TSPEAR: variants seen among roughly 807,000 people sequenced by gnomAD.
TSPEAR encodes the protein thrombospondin-type laminin G domain and EAR repeat-containing protein.
Under a neutral mutation model 71.6 loss-of-function variants are expected in TSPEAR, and 69 were observed. The observed-to-expected ratio is 0.96, with a 90% CI of 0.79 to 1.18. The LOEUF (loss-of-function observed/expected upper bound fraction) is 1.18, where lower values mean the gene tolerates loss of function less well. TSPEAR is among the 50% of genes most tolerant of loss of function. TSPEAR has a pLI of 0.00. For missense variants in TSPEAR, 971 were observed against 894.9 expected (o/e 1.09, Z -1.09); for synonymous variants, 402 against 387.2 (o/e 1.04, Z -0.45).
chr21:44,523,182 C>T (rs1295961995), intron 8 of TSPEAR, among the ~76,000 whole-genome samples: 1 of 148,582 alleles, frequency 6.7e-6, no homozygotes, highest in Non-Finnish European at 1.5e-5. Flanking sequence ...AGCCAGCCAG[C>T]CAGCCAATTA....
At chr21:44,704,633 T>C (rs1196164303) in intron 1 of TSPEAR, among the ~76,000 whole-genome samples, 1 of 152,082 alleles carries the variant, frequency 6.6e-6, no homozygotes, top group Non-Finnish European at 1.5e-5. Flanking sequence ...AGGCTTGGAT[T>C]AACAAGAGGA....
At chr21:44,566,086 G>A (rs922868511) in intron 2 of TSPEAR, among the ~76,000 whole-genome samples, 4 of 152,122 alleles carry the variant, frequency 2.6e-5, no homozygotes, top group African/African-American at 9.7e-5. Flanking sequence ...AGGCTGAGGC[G>A]GGAGAATCGC....
chr21:44,602,237 G>C (rs1017755657), intron 1 of TSPEAR: 3 of 184,562 alleles, frequency 1.6e-5, no homozygotes, highest in Admixed American at 1.6e-4. Flanking sequence ...CCCACCCGCG[G>C]GTGGTCCTGG....
intron 1 of TSPEAR, among the ~76,000 whole-genome samples, chr21:44,669,491 CT>C (rs1401866437): frequency 6.6e-6 from 1 of 152,196 alleles, no homozygotes; most frequent in African/African-American, 2.4e-5. Flanking sequence ...AACACAGAGC[CT>C]CCTCCACCCC....
rs1555915496 is a variant in TSPEAR at position 44,529,848 on chromosome 21, T to C, written c.740A>G (p.Gln247Arg). 6.2e-7 allele frequency: 1 copy of C among 1,613,884 alleles called. No homozygotes were observed. Among genetic ancestry groups the C allele is most frequent in the Non-Finnish European group, 8.5e-7 (1 of 1,179,972 alleles). ...ATCTTCTGGCTTCCCCGTGAGAGCCTGCAGGACCCGTGGGATGGACAGCAC... is the reference window on the plus strand; with the variant it reads ...ATCTTCTGGCTTCCCCGTGAGAGCCCGCAGGACCCGTGGGATGGACAGCAC... ...LAVLSIPRVL[Q>R]ALTGKPEDNE... Residue 247 changes from glutamine (Q) to arginine (R), a missense_variant, in exon 5 of 12, where the codon CAG becomes CGG. Physicochemically the swap from Gln to Arg is conservative, Grantham distance 43. Coordinates refer to ENST00000323084, the MANE Select transcript of TSPEAR (RefSeq NM_144991.3).
chr21:44,600,804 CTA>C (rs1265796570), intron 1 of TSPEAR: 2 of 1,598,892 alleles, frequency 1.3e-6, no homozygotes, highest in African/African-American at 1.4e-5. Flanking sequence ...CCCCAGTGAG[CTA>C]TGTGTCCAGC....
chr21:44,699,442 C>T (rs1987545300), intron 1 of TSPEAR, among the ~76,000 whole-genome samples: 1 of 151,912 alleles, frequency 6.6e-6, no homozygotes, highest in South Asian at 2.1e-4. Context: ...CCCCTCCCTC[C>T]TGACTGCAGC....
intron 2 of TSPEAR, among the ~76,000 whole-genome samples, chr21:44,535,481 G>C (rs587614661): frequency 6.6e-6 from 1 of 152,246 alleles, no homozygotes; most frequent in Non-Finnish European, 1.5e-5. Context: ...GCCAGAGCCT[G>C]TTTCAGTTGA....
intron 1 of TSPEAR, among the ~76,000 whole-genome samples, chr21:44,632,933 C>T (rs782016221): frequency 6.6e-6 from 1 of 152,156 alleles, no homozygotes; most frequent in Non-Finnish European, 1.5e-5. Flanking sequence ...TCCATTACAT[C>T]TAGGTTATCT....
chr21:44,680,970 A>G (rs1457871338), intron 1 of TSPEAR, among the ~76,000 whole-genome samples: 2 of 152,208 alleles, frequency 1.3e-5, no homozygotes, highest in South Asian at 2.1e-4. Flanking sequence ...TACAGTTAAC[A>G]ATGTATTGTA....
chr21:44,677,623 AT>A, intron 1 of TSPEAR: 1 of 1,146,182 alleles, frequency 8.7e-7, no homozygotes, highest in Non-Finnish European at 1.3e-6. Flanking sequence ...GTTTTTAAAG[AT>A]TCCTCATGCT....
At chr21:44,658,449 A>G (rs1985301199) in intron 1 of TSPEAR, 1 of 628,806 alleles carries the variant, frequency 1.6e-6, no homozygotes, top group Non-Finnish European at 2.7e-6. Flanking sequence ...AACCCCCTCA[A>G]GGAAGTCTTG....
rs144347950 is a variant in TSPEAR at position 44,569,300 on chromosome 21, G to A, written c.83-1295C>T. Reference sequence around the variant, plus strand: ...TGGGCACTTCTTTCTTAGAAAAACCGGATGTGATGCAGCCGTGCACGTCCG... The same window carrying A: ...TGGGCACTTCTTTCTTAGAAAAACCAGATGTGATGCAGCCGTGCACGTCCG... On this transcript the variant is annotated intron_variant, in intron 1 of 11. Transcript: ENST00000323084. Among the ~76,000 whole-genome samples the A allele has an allele frequency of 4.5e-3, 691 of 152,266 alleles. 5 individuals carry two copies. The highest frequency in any genetic ancestry group is 0.015 in the African/African-American group (641 of 41,536).
Position 44,656,605 on chromosome 21 carries a change from T to C in TSPEAR, c.82+54828A>G, listed in dbSNP as rs587682629. On this transcript the variant is annotated intron_variant, in intron 1 of 11. Coordinates refer to ENST00000323084, the MANE Select transcript of TSPEAR (RefSeq NM_144991.3). ...CTTTTTTTTCCACTGTCTTCAATAA[T>C]TTTTTGATTTTCATTACTCTTACTA... Among the ~76,000 whole-genome samples the C allele has an allele frequency of 2.7e-4, 41 of 152,322 alleles. No homozygotes were observed. The Middle Eastern group carries it at 0.014, about 51-fold the overall frequency.
chr21:44,603,749 C>T (rs1981133909), intron 1 of TSPEAR, among the ~76,000 whole-genome samples: 4 of 152,244 alleles, frequency 2.6e-5, no homozygotes. Context: ...TGAAACTGCC[C>T]TTTGTCACCT....
intron 9 of TSPEAR, among the ~76,000 whole-genome samples, chr21:44,513,530 A>G (rs1051430710): frequency 6.6e-6 from 1 of 152,202 alleles, no homozygotes; most frequent in Non-Finnish European, 1.5e-5. Context: ...CTCCAATGGA[A>G]TTCCCCAGAG....
rs1372930980 is a variant in TSPEAR, at chr21:44,599,172, C to CTCTCTCTCTCTCTCTCTCT, written c.83-31168_83-31167insAGAGAGAGAGAGAGAGAGA. On this transcript the variant is annotated intron_variant, in intron 1 of 11. Transcript: ENST00000323084. ...TCTCTCTCTCTCTCTCTCTCTCTCT[C>CTCTCTCTCTCTCTCTCTCT]CTTCCATCCCATAGGACCAGATCCT... Among the ~76,000 whole-genome samples, 566 of 145,852 alleles carry CTCTCTCTCTCTCTCTCTCT rather than the reference C, an allele frequency of 3.9e-3. 2 individuals carry two copies. The highest frequency in any genetic ancestry group is 5.3e-3 in the Non-Finnish European group (355 of 66,954).
rs185380677 is a variant in TSPEAR, at chr21:44,553,750, A to G, written c.303+14035T>C. Among the ~76,000 whole-genome samples the G allele has an allele frequency of 7.7e-4, 117 of 152,296 alleles. 1 individual carries two copies. Among genetic ancestry groups the G allele is most frequent in the Middle Eastern group, 6.8e-3 (2 of 294 alleles). On this transcript the variant is annotated intron_variant, in intron 2 of 11. Coordinates refer to ENST00000323084, the MANE Select transcript of TSPEAR (RefSeq NM_144991.3). ...TAGACATGCATTGACGAGTTTTTCA[A>G]TGTAGAAGACCTAAGAACAGGCCTC...
At chr21:44,653,728 A>G (rs1984949491) in intron 1 of TSPEAR, among the ~76,000 whole-genome samples, 1 of 152,224 alleles carries the variant, frequency 6.6e-6, no homozygotes, top group South Asian at 2.1e-4. Context: ...GAAGAGAGTA[A>G]GAACTGACCT....
Sources: allele counts gnomAD v4.1 joint callset (sites outside exome capture counted in the v4.1 genomes callset), GRCh38; gene constraint gnomAD v4.1.1; transcripts MANE v1.5; gene names NCBI Gene and HGNC (gene_info 2026-07-23, HGNC 2026-07-21).